Variants in RADX observed in about 807,000 individuals in gnomAD.
The protein encoded by RADX is RPA1 related single stranded DNA binding protein, X-linked.
RADX carries 36 observed loss-of-function variants against 61.6 expected under a neutral mutation model. The ratio of observed to expected loss-of-function variants is 0.58; its 90% CI spans 0.45 to 0.77. RADX has a LOEUF of 0.77. RADX is among the 30% of genes least tolerant of loss of function. RADX has a pLI of 0.00. For synonymous variants in RADX, 272 were observed against 237.9 expected, an observed-to-expected ratio of 1.14 and a Z score of -1.32; for missense variants, 497 against 651.1, an observed-to-expected ratio of 0.76 and a Z score of 2.58.
chrX:106,648,639 T>C (rs1487430351), intron 11 of RADX, among the ~76,000 whole-genome samples: 1 of 93,282 alleles, frequency 1.1e-5, no homozygotes, highest in Non-Finnish European at 1.9e-5. Context: ...AAATGTACTA[T>C]TTTTAATAGA....
chrX:106,636,270 A>G (rs753634116), intron 6 of RADX, among the ~76,000 whole-genome samples: 1 of 111,875 alleles, frequency 8.9e-6, no homozygotes, highest in Admixed American at 9.5e-5. Flanking sequence ...CTTAAAAAAA[A>G]GGGGCCTCTC....
At chrX:106,672,859 C>T (rs995379744) in intron 13 of RADX, among the ~76,000 whole-genome samples, 1 of 112,142 alleles carries the variant, frequency 8.9e-6, no homozygotes, top group South Asian at 3.7e-4. Context: ...GTCCCTCCCC[C>T]TCTTTGCTTC....
At chrX:106,645,680 A>G (rs755163309) in intron 10 of RADX, among the ~76,000 whole-genome samples, 1 of 111,636 alleles carries the variant, frequency 9.0e-6, no homozygotes, top group African/African-American at 3.2e-5. Flanking sequence ...CATATGATCT[A>G]TCCTTGAGAA....
chrX:106,650,651 AC>A (rs1221383542), intron 11 of RADX, among the ~76,000 whole-genome samples: 1 of 111,421 alleles, frequency 9.0e-6, no homozygotes, highest in African/African-American at 3.3e-5. Flanking sequence ...TCCTGGCCTC[AC>A]GTGATCCTCC....
intron 13 of RADX, among the ~76,000 whole-genome samples, chrX:106,672,066 T>C (rs764238286): frequency 1.4e-3 from 152 of 111,902 alleles, no homozygotes; most frequent in Non-Finnish European, 2.2e-3. Flanking sequence ...CTACATTTTT[T>C]TGAATTCACT....
At chrX:106,650,377 T>G (rs1311434944) in intron 11 of RADX, among the ~76,000 whole-genome samples, 1 of 110,524 alleles carries the variant, frequency 9.0e-6, no homozygotes, top group East Asian at 2.9e-4. Flanking sequence ...AAAGGGAGGT[T>G]TCTTGTAACC....
At chrX:106,654,940 G>A (rs1192025138) in intron 11 of RADX, among the ~76,000 whole-genome samples, 9 of 111,468 alleles carry the variant, frequency 8.1e-5, no homozygotes, top group Non-Finnish European at 1.5e-4. Flanking sequence ...AGAGAAAATT[G>A]ATCTAAGGAA....
At chrX:106,636,797 AT>A in intron 7 of RADX, 150 bp downstream of exon 7, 1 of 319,949 alleles carries the variant, frequency 3.1e-6, no homozygotes. Flanking sequence ...TTAGCAAAGA[AT>A]TTTTGGCCTG....
chrX:106,645,448 T>A (rs1927633332), intron 10 of RADX, among the ~76,000 whole-genome samples: 1 of 111,253 alleles, frequency 9.0e-6, no homozygotes, highest in Admixed American at 9.6e-5. Context: ...TTGTTATGTT[T>A]TGTTTCTATT....
intron 3 of RADX, among the ~76,000 whole-genome samples, chrX:106,627,219 G>A (rs894722964): frequency 9.0e-6 from 1 of 111,376 alleles, no homozygotes; most frequent in Non-Finnish European, 1.9e-5. Context: ...CATTGCTATG[G>A]GTTTAAATCT....
At chrX:106,661,348 G>A (rs955891106) in intron 11 of RADX, among the ~76,000 whole-genome samples, 12 of 96,808 alleles carry the variant, frequency 1.2e-4, no homozygotes, top group African/African-American at 4.1e-4. Context: ...TTTGTTTTTC[G>A]TTTTTGTTTT....
chrX:106,660,062 A>G (rs993345247), intron 11 of RADX, among the ~76,000 whole-genome samples: 3 of 111,970 alleles, frequency 2.7e-5, no homozygotes, highest in Middle Eastern at 5.1e-3. Context: ...GATCATTGCA[A>G]TAGCTACTAA....
chrX:106,665,443 T>C (rs1429305896), intron 12 of RADX, among the ~76,000 whole-genome samples: 1 of 111,845 alleles, frequency 8.9e-6, no homozygotes, highest in Non-Finnish European at 1.9e-5. Context: ...TATCATAAAA[T>C]ATTGTTCTTT....
At chrX:106,622,815 A>G (rs1346677827) in intron 2 of RADX, 22 bp downstream of exon 2, 1 of 1,006,507 alleles carries the variant, frequency 9.9e-7, no homozygotes, top group East Asian at 3.2e-5. Context: ...AAGATATCAT[A>G]TGTTAATTTA....
chrX:106,657,914 T>C (rs906322267), intron 11 of RADX, among the ~76,000 whole-genome samples: 1 of 111,630 alleles, frequency 9.0e-6, no homozygotes, highest in African/African-American at 3.2e-5. Context: ...AAAATGAACA[T>C]ATGCTGTTTA....
At chrX:106,632,538 T>C (rs1927258799) in intron 3 of RADX, 87 bp from the exon 4 acceptor site, 1 of 521,329 alleles carries the variant, frequency 1.9e-6, no homozygotes, top group Non-Finnish European at 3.1e-6. Flanking sequence ...AAATGTTCAG[T>C]ATACTATTTT....
intron 1 of RADX, 42 bp downstream of exon 1, chrX:106,612,765 A>G: frequency 1.8e-6 from 2 of 1,107,546 alleles, no homozygotes; most frequent in Non-Finnish European, 2.4e-6. Flanking sequence ...TAAAAAAAAT[A>G]GTTTTCAGGA....
At chrX:106,669,944 T>G (rs757111085) in intron 13 of RADX, among the ~76,000 whole-genome samples, 19 of 111,979 alleles carry the variant, frequency 1.7e-4, no homozygotes, top group Non-Finnish European at 1.3e-4. Flanking sequence ...TAATTCCTAA[T>G]CATGTGGTAA....
intron 12 of RADX, among the ~76,000 whole-genome samples, chrX:106,665,515 A>G (rs1179983218): frequency 1.8e-5 from 2 of 111,043 alleles, no homozygotes; most frequent in Non-Finnish European, 3.8e-5. Context: ...GTACAAAACC[A>G]GGGGCAGGCT....
Sources: allele counts gnomAD v4.1 joint callset (sites outside exome capture counted in the v4.1 genomes callset), GRCh38; gene constraint gnomAD v4.1.1; transcripts MANE v1.5; gene names NCBI Gene and HGNC (gene_info 2026-07-23, HGNC 2026-07-21).